Variants in MAP4 observed in about 807,000 individuals in gnomAD.
MAP4 encodes the protein microtubule-associated protein 4.
MAP4 carries 76 observed loss-of-function variants against 170.2 expected under a neutral mutation model. The observed-to-expected ratio is 0.45, with a 90% CI of 0.37 to 0.54. MAP4 has a LOEUF of 0.54. MAP4 is among the 20% of genes least tolerant of loss of function. MAP4 has a pLI of 0.00. For missense variants in MAP4, 2,506 were observed against 2,748.0 expected, an observed-to-expected ratio of 0.91 and a Z score of 1.97; for synonymous variants, 909 against 994.5, an observed-to-expected ratio of 0.91 and a Z score of 1.62.
intron 9 of MAP4, among the ~76,000 whole-genome samples, chr3:47,905,039 G>A (rs973663202): frequency 4.6e-5 from 7 of 152,148 alleles, no homozygotes; most frequent in African/African-American, 1.7e-4. Flanking sequence ...ACCACAAGAC[G>A]AATGAGAACA....
chr3:47,983,373 CTTAT>C (rs559313125), intron 2 of MAP4, among the ~76,000 whole-genome samples: 11 of 151,748 alleles, frequency 7.2e-5, no homozygotes, highest in South Asian at 2.1e-4. Flanking sequence ...CCACAGTTGG[CTTAT>C]TTATTTATTT....
At chr3:47,998,418 A>G (rs2034330) in intron 2 of MAP4, among the ~76,000 whole-genome samples, 2,585 of 152,286 alleles carry the variant, frequency 0.017, 170 homozygotes, top group Admixed American at 0.12. Flanking sequence ...TTGTTGAAAC[A>G]TTAGAGAAGA....
rs2100038670 is a variant in MAP4 at position 47,916,042 on chromosome 3, T to C, written c.1785A>G (p.Ala595=). ...CCTCACTTATTCCTTTTTGTGTTTG[T>C]GCAATTTCCATGTCTTTAATTGGAA... The part of the protein sequence containing the change: ...TPVPIKDMEI[A]QTQKGISEDS... Residue 595 remains alanine (A), a synonymous_variant, in exon 7 of 21, where the codon GCA becomes GCG. Coordinates refer to ENST00000683076, the MANE Select transcript of MAP4 (RefSeq NM_001385682.1). The C allele has an allele frequency of 6.2e-7, 1 of 1,614,252 alleles. No individual in the cohort carries two copies. The highest frequency in any genetic ancestry group is 2.2e-5 in the East Asian group (1 of 44,894).
At chr3:47,929,019 T>G (rs1403950825) in intron 3 of MAP4, among the ~76,000 whole-genome samples, 1 of 152,202 alleles carries the variant, frequency 6.6e-6, no homozygotes, top group Non-Finnish European at 1.5e-5. Flanking sequence ...GAAAAACAGT[T>G]GAAGGGCTTA....
chr3:47,976,893 T>C (rs976973768), intron 3 of MAP4, among the ~76,000 whole-genome samples: 1 of 152,200 alleles, frequency 6.6e-6, no homozygotes, highest in Non-Finnish European at 1.5e-5. Context: ...AATCCTAGAA[T>C]AGCTGCTATT....
rs1442374720 is a variant in MAP4, at chr3:47,855,391, G to C, written c.6584-31C>G. The C allele has an allele frequency of 6.4e-6, 9 of 1,400,818 alleles. No homozygotes were observed. Among genetic ancestry groups the C allele is most frequent in the Non-Finnish European group, 9.1e-6 (9 of 985,052 alleles). 86.8% of individuals were successfully genotyped at this position (1,400,818 alleles called of 1,614,324 possible). ...ACCACAAAGGAACTGGTCACCTAGG[G>C]TGGCAGAGGAATATCCCTGCAGGCA... On this transcript the variant is annotated intron_variant, in intron 18 of 20. Transcript: ENST00000683076. The surrounding 1 kb of genome is among the most constrained non-coding windows in gnomAD (Gnocchi z 5.1).
chr3:48,074,166 G>A (rs2100142447), intron 1 of MAP4, among the ~76,000 whole-genome samples: 2 of 151,944 alleles, frequency 1.3e-5, no homozygotes, highest in African/African-American at 4.8e-5. Flanking sequence ...TAGGGACATG[G>A]ATGAAGCTGG....
chr3:47,978,857 T>C (rs1341939341), intron 2 of MAP4, among the ~76,000 whole-genome samples: 2 of 151,948 alleles, frequency 1.3e-5, no homozygotes, highest in Non-Finnish European at 2.9e-5. Flanking sequence ...TTTGGTGACT[T>C]GAATGGTCAA....
chr3:47,937,247 T>C (rs1016353762), intron 3 of MAP4, among the ~76,000 whole-genome samples: 1 of 152,184 alleles, frequency 6.6e-6, no homozygotes, highest in Non-Finnish European at 1.5e-5. Flanking sequence ...CAGCAGTTAT[T>C]AGACAGATGA....
At chr3:48,073,306 A>C (rs962321564) in intron 1 of MAP4, among the ~76,000 whole-genome samples, 2 of 136,224 alleles carry the variant, frequency 1.5e-5, no homozygotes, top group Non-Finnish European at 1.6e-5. Flanking sequence ...CACACACACA[A>C]ATTAGCATTA....
intron 3 of MAP4, among the ~76,000 whole-genome samples, chr3:47,944,007 T>C (rs561209092): frequency 1.3e-5 from 2 of 152,148 alleles, no homozygotes; most frequent in Admixed American, 6.5e-5. Context: ...TCTACACAAC[T>C]TCCTATAAAA....
intron 10 of MAP4, among the ~76,000 whole-genome samples, chr3:47,890,527 G>C (rs777622572): frequency 4.4e-4 from 67 of 152,196 alleles, no homozygotes; most frequent in Non-Finnish European, 7.1e-4. Flanking sequence ...CTTCCACCCA[G>C]ATTGTGCAAC....
intron 3 of MAP4, among the ~76,000 whole-genome samples, chr3:47,965,043 C>T (rs1000881455): frequency 2.0e-5 from 3 of 152,172 alleles, no homozygotes; most frequent in African/African-American, 7.2e-5. Flanking sequence ...CTGGGAACCA[C>T]CATTCTACTT....
chr3:47,887,448 C>A (rs2097785605), intron 10 of MAP4, among the ~76,000 whole-genome samples: 1 of 152,250 alleles, frequency 6.6e-6, no homozygotes, highest in South Asian at 2.1e-4. Flanking sequence ...TCCCGCGGGG[C>A]AGGGCTCGGG....
At chr3:47,876,164 C>G (rs1412986762) in intron 11 of MAP4, among the ~76,000 whole-genome samples, 1 of 142,558 alleles carries the variant, frequency 7.0e-6, no homozygotes, top group Admixed American at 7.3e-5. Context: ...GATGGAGTCT[C>G]TCTCTGTCGC....
At chr3:47,881,142 G>A (rs1456225094) in intron 10 of MAP4, among the ~76,000 whole-genome samples, 4 of 151,832 alleles carry the variant, frequency 2.6e-5, no homozygotes, top group East Asian at 1.9e-4. Context: ...TCTTTTCTCC[G>A]ACATCTACTT....
chr3:47,981,466 T>A (rs991837000), intron 2 of MAP4, among the ~76,000 whole-genome samples: 9 of 151,694 alleles, frequency 5.9e-5, no homozygotes, highest in African/African-American at 7.3e-5. Flanking sequence ...TAATAAAAAA[T>A]AATAATAATA....
intron 3 of MAP4, among the ~76,000 whole-genome samples, chr3:47,928,960 A>T (rs2100047744): frequency 6.6e-6 from 1 of 152,200 alleles, no homozygotes; most frequent in Non-Finnish European, 1.5e-5. Context: ...CTCATTCCAT[A>T]ATTTATATAA....
Position 48,084,575 on chromosome 3 carries a change from C to CT in MAP4, c.-20+4197dup, listed in dbSNP as rs746461438. 9.3e-3 allele frequency among the ~76,000 whole-genome samples: 1,305 copies of CT among 140,906 alleles called. 9 individuals carry two copies. The highest frequency in any genetic ancestry group is 0.023 in the African/African-American group (904 of 38,510). The allele number at this position is 140,906 out of a possible 152,430, so 92.4% of individuals were successfully genotyped here. On this transcript the variant is annotated intron_variant, in intron 1 of 18. Coordinates refer to the MAP4 transcript ENST00000360240. ...TATGTATCAGTGTGCTTTATTACCC[C>CT]TTTTTTTTTTTTTTGCAGGGGTGAG...
Sources: gnomAD v4.1 joint callset for allele counts (sites outside exome capture counted in the v4.1 genomes callset) on GRCh38, gnomAD v4.1.1 for gene constraint, Gnocchi (gnomAD v3.1) non-coding constraint, MANE v1.5 for transcripts, NCBI Gene and HGNC (gene_info 2026-07-23, HGNC 2026-07-21) for gene names.